The following RUFY4 variants were observed in gnomAD, a reference collection of about 807,000 sequenced individuals.
RUFY4 encodes RUN and FYVE domain containing 4, also known as RUN and FYVE domain-containing protein 4.
Under a neutral mutation model 69.0 loss-of-function variants are expected in RUFY4, and 73 were observed. The ratio of observed to expected loss-of-function variants is 1.06; its 90% CI spans 0.88 to 1.29. The LOEUF is 1.29. RUFY4 is among the 50% of genes most tolerant of loss of function. The probability of loss-of-function intolerance (pLI) is 0.00; values close to 1 mark genes in which losing one functional copy is unlikely to be tolerated. For synonymous variants in RUFY4, 287 were observed against 271.8 expected (o/e 1.06, Z -0.55); for missense variants, 770 against 705.6 (o/e 1.09, Z -1.03).
intron 8 of RUFY4, among the ~76,000 whole-genome samples, chr2:218,080,702 C>T (rs1689741393): frequency 6.6e-6 from 1 of 152,206 alleles, no homozygotes; most frequent in African/African-American, 2.4e-5. Flanking sequence ...ACCCCCAGCC[C>T]CTGCACAGCA....
At chr2:218,035,688 T>A (rs1958964992) in intron 2 of RUFY4, among the ~76,000 whole-genome samples, 1 of 152,144 alleles carries the variant, frequency 6.6e-6, no homozygotes, top group African/African-American at 2.4e-5. Context: ...AGGGCCACAG[T>A]GTCCCCGTCT....
At chr2:218,077,085 G>T (rs1000120793) in intron 8 of RUFY4, among the ~76,000 whole-genome samples, 4 of 152,210 alleles carry the variant, frequency 2.6e-5, no homozygotes, top group African/African-American at 7.2e-5. Context: ...TTTTATAGAG[G>T]AGGAAGCTGA....
intron 2 of RUFY4, among the ~76,000 whole-genome samples, chr2:218,043,138 G>A (rs1688740366): frequency 6.6e-6 from 1 of 152,082 alleles, no homozygotes; most frequent in Non-Finnish European, 1.5e-5. Flanking sequence ...CTCTCTGTAG[G>A]CAGGTTGTCT....
At chr2:218,043,843 A>G (rs1489994260) in intron 2 of RUFY4, among the ~76,000 whole-genome samples, 1 of 152,156 alleles carries the variant, frequency 6.6e-6, no homozygotes, top group East Asian at 1.9e-4. Context: ...TGCTCAGACG[A>G]AGGGGCACCT....
chr2:218,072,725 T>C, intron 3 of RUFY4, 54 bp from the exon 6 acceptor site: 1 of 1,390,212 alleles, frequency 7.2e-7, no homozygotes, highest in Non-Finnish European at 9.6e-7. Context: ...CTGTGTTACC[T>C]GGGCGCCCTT....
chr2:218,070,308 C>G (rs1165275784), upstream of RUFY4: 4 of 439,792 alleles, frequency 9.1e-6, no homozygotes, highest in African/African-American at 8.0e-5. Flanking sequence ...GAGTTAATAA[C>G]CTCCAGGATT....
chr2:218,076,289 A>G, intron 7 of RUFY4, 138 bp from the exon 10 acceptor site: 1 of 1,373,732 alleles, frequency 7.3e-7, no homozygotes, highest in Non-Finnish European at 9.6e-7. Flanking sequence ...AGAGCCAGGC[A>G]TCACAGCTCC....
intron 7 of RUFY4, 90 bp from the exon 10 acceptor site, chr2:218,076,337 G>A: frequency 2.0e-6 from 3 of 1,485,704 alleles, no homozygotes; most frequent in Non-Finnish European, 2.7e-6. Context: ...ATGGCCTGGG[G>A]TCTCTCGGGA....
At chr2:218,076,864 C>T (rs1311688022) in intron 8 of RUFY4, among the ~76,000 whole-genome samples, 4 of 152,222 alleles carry the variant, frequency 2.6e-5, no homozygotes, top group African/African-American at 9.6e-5. Context: ...ACCCTCTCTG[C>T]CTCCCTACTC....
At chr2:218,089,602 G>A (rs1470556230) in intron 10 of RUFY4, 2 of 682,594 alleles carry the variant, frequency 2.9e-6, no homozygotes, top group Non-Finnish European at 2.7e-6. Context: ...CCCCCTCCAA[G>A]AGCCGATTGA....
exon 11 of RUFY4, chr2:218,090,088 A>G: frequency 7.3e-7 from 1 of 1,378,780 alleles, no homozygotes; most frequent in Non-Finnish European, 9.9e-7. Context: ...CTGGCCTCCC[A>G]CCTGCCTGCC....
chr2:218,082,422 A>G (rs540170050), intron 8 of RUFY4, among the ~76,000 whole-genome samples: 202 of 152,280 alleles, frequency 1.3e-3, no homozygotes, highest in Middle Eastern at 3.4e-3. Context: ...CACACCTTTC[A>G]AGAAAGTTAC....
In RUFY4 at chr2:218,089,483, C is replaced by G. The variant is rs536597858; in HGVS notation, c.1613+121C>G. 9 of 728,630 alleles carry G rather than the reference C, an allele frequency of 1.2e-5. No homozygotes were observed. In the Middle Eastern group the frequency reaches 1.0e-3, roughly 83 times the overall value. The allele number at this position is 728,630 out of a possible 1,614,324, so 45.1% of individuals were successfully genotyped here. A position where few individuals can be genotyped will look rare whatever the true frequency, so the allele number is the denominator to read the frequency against. On this transcript the variant is annotated intron_variant, in intron 10 of 10. Transcript: ENST00000344321. ...CTGGGTGTTTATAAAAGGCCACTTA[C>G]AGCTGACTACTCATTCTACCACATC...
At chr2:218,059,240 C>A (rs1689129489) in intron 3 of RUFY4, 1 of 152,178 alleles carries the variant, frequency 6.6e-6, no homozygotes, top group African/African-American at 2.4e-5. Context: ...CTTTGGGGGC[C>A]AAGGTGTTTT....
At chr2:218,073,505 C>A in intron 5 of RUFY4, 119 bp downstream of exon 7, 3 of 1,374,938 alleles carry the variant, frequency 2.2e-6, no homozygotes, top group Non-Finnish European at 1.0e-6. Context: ...CCTCCTTTTG[C>A]TCCATGCCTT....
At position 218,080,004 on chromosome 2, in the gene RUFY4, A is replaced by G. The variant is rs147812902; in HGVS notation, c.1356-3106A>G. On this transcript the variant is annotated intron_variant, in intron 8 of 10. Transcript: ENST00000344321. ...TCCAGAAAGTCCTCTCTGAGGTGAC[A>G]TTTGAGCAGAAGCCCCAACCACATG... Among the ~76,000 whole-genome samples, 223 of 152,372 alleles carry G rather than the reference A, an allele frequency of 1.5e-3. 1 individual carries two copies. The highest frequency in any genetic ancestry group is 5.1e-3 in the African/African-American group (213 of 41,592).
At chr2:218,074,018 G>A (rs1689561446) in intron 6 of RUFY4, 133 bp downstream of exon 8, 1 of 886,048 alleles carries the variant, frequency 1.1e-6, no homozygotes, top group African/African-American at 1.7e-5. Context: ...AGAGCAAGAG[G>A]CCAGTGTGTG....
chr2:218,047,764 A>G (rs996629413), intron 2 of RUFY4, among the ~76,000 whole-genome samples: 15 of 152,298 alleles, frequency 9.8e-5, no homozygotes, highest in Non-Finnish European at 2.1e-4. Context: ...TTCCTCTTTA[A>G]TAACGAGCCT....
chr2:218,053,333 A>C (rs1688986749), intron 2 of RUFY4, among the ~76,000 whole-genome samples: 1 of 147,582 alleles, frequency 6.8e-6, no homozygotes, highest in South Asian at 2.2e-4. Flanking sequence ...CAAATAACGA[A>C]ATGATATTAA....
Sources: gnomAD v4.1 joint callset for allele counts (sites outside exome capture counted in the v4.1 genomes callset) on GRCh38, gnomAD v4.1.1 for gene constraint, MANE v1.5 for transcripts, NCBI Gene and HGNC (gene_info 2026-07-23, HGNC 2026-07-21) for gene names.